UTP14C: variants seen among roughly 807,000 people sequenced by gnomAD.
The protein encoded by UTP14C is U3 small nucleolar RNA-associated protein 14 homolog C.
UTP14C carries 10 observed loss-of-function variants against 14.6 expected under a neutral mutation model. That is an observed-to-expected ratio of 0.68 (90% CI 0.42 to 1.16). The LOEUF (loss-of-function observed/expected upper bound fraction) is 1.16, where lower values mean the gene tolerates loss of function less well. Among genes scored for constraint, UTP14C ranks in the 50% most tolerant of loss-of-function variants. The pLI, the probability that UTP14C is intolerant of heterozygous loss-of-function variation, is 0.00. For missense variants in UTP14C, 818 were observed against 890.8 expected (o/e 0.92, Z 1.04); for synonymous variants, 315 against 331.6 (o/e 0.95, Z 0.54).
chr13:52,029,029 C>A lies in UTP14C; in HGVS notation c.225C>A (p.Val75=). The change falls in exon 2 of 2, where the codon GTC becomes GTA. Residue 75 remains valine, a synonymous_variant. Transcript: ENST00000521776. The stretch of plus-strand genomic sequence containing the variant: ...GTCTGAAAGTGTCAGAGTTCAGTGT[C>A]AGTTCTGAAGGATCAGGAGAAAAGC... ...EASLKVSEFS[V]SSEGSGEKLG... is the part of the protein sequence containing the mutation. 2 of 1,614,246 alleles carry A rather than the reference C, an allele frequency of 1.2e-6. No individual in the cohort carries two copies. The highest frequency in any genetic ancestry group is 1.7e-6 in the Non-Finnish European group (2 of 1,180,050).
chr13:52,029,749 C>G lies in UTP14C; in HGVS notation c.945C>G (p.Asp315Glu), dbSNP rs755041180. Reference protein sequence around the residue: ...AKSKAIMAKYDLEARQAMQEQ... With the variant: ...AKSKAIMAKYELEARQAMQEQ... ...CAAAGGCAATTATGGCCAAATATGACCTGGAGGCTCGCCAAGCTATGCAGG... is the reference window on the plus strand; with the variant it reads ...CAAAGGCAATTATGGCCAAATATGAGCTGGAGGCTCGCCAAGCTATGCAGG... Residue 315 changes from aspartate to glutamate, a missense_variant, in exon 2 of 2, where the codon GAC becomes GAG. Coordinates refer to ENST00000521776, the MANE Select transcript of UTP14C (RefSeq NM_021645.6). 7.6e-5 allele frequency: 122 copies of G among 1,614,174 alleles called. 2 individuals are homozygous for G. The Middle Eastern group carries it at 1.5e-3, about 20-fold the overall frequency.
Position 52,029,097 on chromosome 13 carries a change from C to A in UTP14C, c.293C>A (p.Ser98Tyr). The A allele has an allele frequency of 6.2e-7, 1 of 1,614,222 alleles. No homozygotes were observed. Among genetic ancestry groups the A allele is most frequent in the South Asian group, 1.1e-5 (1 of 91,082 alleles). Residue 98 changes from serine to tyrosine, a missense_variant, in exon 2 of 2, where the codon TCT becomes TAT. Transcript: ENST00000521776. ...CTTGAGCCCGTTAAAACTTCATCTTCTTTGGCCACTGTAAAAAAGCAACTG... is the reference window on the plus strand; with the variant it reads ...CTTGAGCCCGTTAAAACTTCATCTTATTTGGCCACTGTAAAAAAGCAACTG... ...DLLEPVKTSS[S>Y]LATVKKQLNR... is the part of the protein sequence containing the mutation.
chr13:52,030,876 A>G lies in UTP14C; in HGVS notation c.2072A>G (p.His691Arg), dbSNP rs144069648. The part of the protein sequence containing the change: ...VQVLPYPFTH[H>R]RQFERTIQTP... ...GTGCTTCCATATCCATTTACCCACC[A>G]TCGGCAATTTGAAAGGACCATCCAG... The change falls in exon 2 of 2, where the codon CAT (histidine) becomes CGT (arginine). Residue 691 changes from histidine (H) to arginine (R), a missense_variant. His to Arg is a conservative substitution (Grantham distance 29). Transcript: ENST00000521776. 11 of 1,614,174 alleles carry G rather than the reference A, an allele frequency of 6.8e-6. No homozygotes were observed. The African/African-American group carries it at 8.0e-5, about 12-fold the overall frequency.
intron 1 of UTP14C, among the ~76,000 whole-genome samples, chr13:52,027,984 G>T (rs539348700): frequency 1.3e-5 from 2 of 152,018 alleles, no homozygotes; most frequent in Non-Finnish European, 2.9e-5. Flanking sequence ...CAGGCTGGGT[G>T]TGGTAGCTCA....
At position 52,029,230 on chromosome 13, in the gene UTP14C, A is replaced by G. The variant is rs1430772185; in HGVS notation, c.426A>G (p.Lys142=). The change falls in exon 2 of 2, where the codon AAA becomes AAG. Residue 142 remains lysine, a synonymous_variant. Coordinates refer to ENST00000521776, the MANE Select transcript of UTP14C (RefSeq NM_021645.6). ...GTAAAACCTCACAGGTCCTCTCCAA[A>G]TGGGACCCTATCATCCTGAAGAACC... ...AFSKTSQVLS[K]WDPIILKNQQ... The G allele has an allele frequency of 1.1e-5, 17 of 1,614,080 alleles. No individual in the cohort carries two copies. The highest frequency in any genetic ancestry group is 1.4e-5 in the Non-Finnish European group (17 of 1,180,052).
rs951962059 is a variant in UTP14C, at chr13:52,028,848, A to G, written c.44A>G (p.Gln15Arg). The change falls in exon 2 of 2, where the codon CAG (glutamine) becomes CGG (arginine). Residue 15 changes from glutamine to arginine, a missense_variant. Gln to Arg is a conservative substitution (Grantham distance 43, BLOSUM62 1). Transcript: ENST00000521776. The stretch of plus-strand genomic sequence containing the variant: ...GCAGAGAATCTGGCTTTGAGCCACC[A>G]GGAAGAACTAGTGGATTTGCCAAAA... ...QVAENLALSHQEELVDLPKNY... is the reference protein window; with the variant it reads ...QVAENLALSHREELVDLPKNY... 4 of 1,614,264 alleles carry G rather than the reference A, an allele frequency of 2.5e-6. No individual in the cohort carries two copies. The African/African-American group carries it at 5.3e-5, about 22-fold the overall frequency.
rs767400574 is a variant in UTP14C at position 52,031,040 on chromosome 13, C to T, written c.2236C>T (p.Leu746=). Residue 746 remains leucine, a synonymous_variant, in exon 2 of 2, where the codon CTG becomes TTG. Transcript: ENST00000521776. ...CTACCAGTCTTCCTCAAGGTCAGAC[C>T]TGCCTGTCATACAGAGGAATCCAAA... is the stretch of plus-strand genomic sequence containing the variant. ...VGYQSSSRSD[L]PVIQRNPKRI... is the part of the protein sequence containing the mutation. 5 of 1,614,060 alleles carry T rather than the reference C, an allele frequency of 3.1e-6. No homozygotes were observed. The highest frequency in any genetic ancestry group is 4.2e-6 in the Non-Finnish European group (5 of 1,180,032).
At position 52,030,341 on chromosome 13, in the gene UTP14C, G is replaced by A. The variant is rs747152217; in HGVS notation, c.1537G>A (p.Glu513Lys). The A allele has an allele frequency of 1.2e-6, 2 of 1,614,234 alleles. No homozygotes were observed. The highest frequency in any genetic ancestry group is 1.7e-5 in the Admixed American group (1 of 60,024). The change falls in exon 2 of 2, where the codon GAA (glutamate) becomes AAA (lysine). Residue 513 changes from glutamate to lysine, a missense_variant. Glu to Lys is a moderately conservative substitution (Grantham distance 56, BLOSUM62 1). Transcript: ENST00000521776. ...GAGAGTACAAACTCTGGAAGAGCTA[G>A]AAGAGCTGGGAAAAGAAGATTGTTT... ...SERVQTLEEL[E>K]ELGKEDCFQN...
Position 52,024,788 on chromosome 13 carries a change from G to C in UTP14C, c.-636G>C. The C allele has an allele frequency of 6.2e-7, 1 of 1,614,174 alleles. No individual in the cohort carries two copies. Among genetic ancestry groups the C allele is most frequent in the Non-Finnish European group, 8.5e-7 (1 of 1,180,014 alleles). On this transcript the variant is annotated 5_prime_UTR_variant, in exon 1 of 2. Transcript: ENST00000521776. Reference sequence around the variant, plus strand: ...TGTCGTAACAAAGATGATGAACTTAGGGTAAACCAACTGAGAAGGCTGTCT... The same window carrying C: ...TGTCGTAACAAAGATGATGAACTTACGGTAAACCAACTGAGAAGGCTGTCT...
At chr13:52,027,116 G>A (rs897979447) in intron 1 of UTP14C, among the ~76,000 whole-genome samples, 1 of 152,192 alleles carries the variant, frequency 6.6e-6, no homozygotes, top group Non-Finnish European at 1.5e-5. Context: ...GGTGACCTGG[G>A]CAAGAGCAGT....
rs1328864561 is a variant in UTP14C, at chr13:52,029,716, G to A, written c.912G>A (p.Trp304Ter). ...TTAAGCACCAAAACAGTGGGAAATG[G>A]GCCAAGTCAAAGGCAATTATGGCCA... ...MSLKHQNSGK[W>*]AKSKAIMAKY... Residue 304 changes from tryptophan to a stop codon, truncating the protein, a stop_gained, in exon 2 of 2, where the codon TGG becomes TGA. Coordinates refer to ENST00000521776, the MANE Select transcript of UTP14C (RefSeq NM_021645.6). LOFTEE classifies it low-confidence loss of function (END_TRUNC). The A allele has an allele frequency of 1.9e-6, 3 of 1,614,038 alleles. No homozygotes were observed. In the African/African-American group the frequency reaches 4.0e-5, roughly 22 times the overall value.
rs3825528 is a variant in UTP14C, at chr13:52,028,783, A to C, written c.-22A>C. 0.49 allele frequency: 789,910 copies of C among 1,613,694 alleles called. 200,025 individuals carry two copies. Among genetic ancestry groups the C allele is most frequent in the Non-Finnish European group, 0.52 (618,072 of 1,179,740 alleles). ...CCTTCGGCTTCCATTCTTGGTATACATGAGAGAGGCTGGCTGCTGAGATGA... is the reference window on the plus strand; with the variant it reads ...CCTTCGGCTTCCATTCTTGGTATACCTGAGAGAGGCTGGCTGCTGAGATGA... On this transcript the variant is annotated 5_prime_UTR_variant, in exon 2 of 2. The change abolishes an upstream ATG in the 5' untranslated region. Transcript: ENST00000521776.
In UTP14C at chr13:52,028,791, G is replaced by T; in HGVS notation, c.-14G>T. On this transcript the variant is annotated 5_prime_UTR_variant, in exon 2 of 2. In the 5' UTR this introduces an upstream ATG that the reference lacks. Transcript: ENST00000521776. The stretch of plus-strand genomic sequence containing the variant: ...TTCCATTCTTGGTATACATGAGAGA[G>T]GCTGGCTGCTGAGATGAATGTGAAC... The T allele has an allele frequency of 6.2e-7, 1 of 1,614,190 alleles. No individual in the cohort carries two copies. The highest frequency in any genetic ancestry group is 1.3e-5 in the African/African-American group (1 of 75,066).
Position 52,030,121 on chromosome 13 carries a change from G to C in UTP14C, c.1317G>C (p.Glu439Asp). ...RKRSELNQDA[E>D]PASSQETKDS... is the part of the protein sequence containing the mutation. ...GATCTGAGCTCAACCAGGATGCTGA[G>C]CCAGCAAGCAGTCAAGAAACAAAAG... is the stretch of plus-strand genomic sequence containing the variant. Residue 439 changes from glutamate (E) to aspartate (D), a missense_variant, in exon 2 of 2, where the codon GAG becomes GAC. By Grantham distance (45) the Glu-to-Asp change is conservative. Coordinates refer to ENST00000521776, the MANE Select transcript of UTP14C (RefSeq NM_021645.6). 3 of 1,614,228 alleles carry C rather than the reference G, an allele frequency of 1.9e-6. No individual in the cohort carries two copies. Among genetic ancestry groups the C allele is most frequent in the Non-Finnish European group, 2.5e-6 (3 of 1,180,042 alleles).
In UTP14C at chr13:52,032,111, A is replaced by T. The variant is rs572967589; in HGVS notation, c.*1006A>T. On this transcript the variant is annotated 3_prime_UTR_variant, in exon 2 of 2. Transcript: ENST00000521776. ...GTGGCAGGCACCTGTAATCCCAGCT[A>T]CTTGGGAGACTGAGGCAGGAGAATT... 11 of 152,902 alleles carry T rather than the reference A, an allele frequency of 7.2e-5. No individual in the cohort carries two copies. Among genetic ancestry groups the T allele is most frequent in the African/African-American group, 2.6e-4 (11 of 41,584 alleles). The allele number at this position is 152,902 out of a possible 1,614,324, so 9.5% of individuals were successfully genotyped here.
chr13:52,027,586 C>T (rs1217929428), intron 1 of UTP14C, among the ~76,000 whole-genome samples: 1 of 152,158 alleles, frequency 6.6e-6, no homozygotes, highest in Non-Finnish European at 1.5e-5. Context: ...GCTTAATTCT[C>T]CTAGGAATAT....
chr13:52,030,525 C>T lies in UTP14C; in HGVS notation c.1721C>T (p.Ala574Val). The part of the protein sequence containing the change: ...TTQSPSVRSL[A>V]VPTIIEELED... ...CAGTCTCCTTCCGTGAGGTCTTTGG[C>T]AGTTCCCACAATAATAGAGGAGCTG... The change falls in exon 2 of 2, where the codon GCA (alanine) becomes GTA (valine). Residue 574 changes from alanine to valine, a missense_variant. Ala to Val is a moderately conservative substitution (Grantham distance 64, BLOSUM62 0). Coordinates refer to ENST00000521776, the MANE Select transcript of UTP14C (RefSeq NM_021645.6). 1 of 1,614,176 alleles carries T rather than the reference C, an allele frequency of 6.2e-7. No homozygotes were observed. The highest frequency in any genetic ancestry group is 8.5e-7 in the Non-Finnish European group (1 of 1,180,030).
rs1053549004 is a variant in UTP14C at position 52,028,456 on chromosome 13, A to G, written c.-349A>G. ...GAGTGAAGAAGACTATGCTGAAACT[A>G]TCGCTCACATTCTTTCCATGTCTGC... On this transcript the variant is annotated 5_prime_UTR_variant, in exon 2 of 2. Transcript: ENST00000521776. 12 of 1,614,122 alleles carry G rather than the reference A, an allele frequency of 7.4e-6. No homozygotes were observed. The East Asian group carries it at 1.1e-4, about 15-fold the overall frequency.
In UTP14C at chr13:52,029,335, G is replaced by A; in HGVS notation, c.531G>A (p.Trp177Ter). 1 of 1,614,160 alleles carries A rather than the reference G, an allele frequency of 6.2e-7. No homozygotes were observed. The highest frequency in any genetic ancestry group is 1.1e-5 in the South Asian group (1 of 91,088). Residue 177 changes from tryptophan to a stop codon, truncating the protein, a stop_gained, in exon 2 of 2, where the codon TGG becomes TGA. Coordinates refer to ENST00000521776, the MANE Select transcript of UTP14C (RefSeq NM_021645.6). LOFTEE classifies it low-confidence loss of function (END_TRUNC). ...CCATTGAACATGCGCTCAGTGGCTGGAAGGCAAGAACTCCCCTGGAGCAGG... is the reference window on the plus strand; with the variant it reads ...CCATTGAACATGCGCTCAGTGGCTGAAAGGCAAGAACTCCCCTGGAGCAGG... ...IAPIEHALSGWKARTPLEQEI... is the reference protein window; with the variant it reads ...IAPIEHALSG
Sources: gnomAD v4.1 joint callset for allele counts (sites outside exome capture counted in the v4.1 genomes callset) on GRCh38, gnomAD v4.1.1 for gene constraint, MANE v1.5 for transcripts, NCBI Gene and HGNC (gene_info 2026-07-23, HGNC 2026-07-21) for gene names.